Variants in BANK1 observed in about 807,000 individuals in gnomAD.
BANK1 encodes the protein B-cell scaffold protein with ankyrin repeats.
BANK1 carries 95 observed loss-of-function variants against 94.5 expected under a neutral mutation model. That is an observed-to-expected ratio of 1.00 (90% CI 0.85 to 1.19). The LOEUF is 1.19. Ranked by LOEUF, BANK1 falls within the 50% of genes most tolerant of loss-of-function variation. BANK1 has a pLI of 0.00. For synonymous variants in BANK1, 334 were observed against 308.4 expected, an observed-to-expected ratio of 1.08 and a Z score of -0.87; for missense variants, 987 against 932.2, an observed-to-expected ratio of 1.06 and a Z score of -0.77.
At chr4:102,049,813 G>A (rs76743730) in intron 11 of BANK1, among the ~76,000 whole-genome samples, 9 of 152,168 alleles carry the variant, frequency 5.9e-5, no homozygotes, top group African/African-American at 1.9e-4. Flanking sequence ...GCAAGTGGGC[G>A]CAAGCATGTG....
intron 2 of BANK1, among the ~76,000 whole-genome samples, chr4:101,830,490 C>T (rs1726575231): frequency 6.6e-6 from 1 of 152,008 alleles, no homozygotes; most frequent in Non-Finnish European, 1.5e-5. Flanking sequence ...GTATGGTATG[C>T]TCAAGTCATA....
At chr4:102,063,649 C>T (rs565529989) in intron 13 of BANK1, among the ~76,000 whole-genome samples, 1 of 151,540 alleles carries the variant, frequency 6.6e-6, no homozygotes, top group Non-Finnish European at 1.5e-5. Context: ...TGGTGAAACC[C>T]CATCTCTACT....
chr4:102,029,613 T>C (rs560021145), intron 9 of BANK1, among the ~76,000 whole-genome samples: 66 of 148,398 alleles, frequency 4.4e-4, no homozygotes, highest in African/African-American at 1.5e-3. Context: ...ATAAAAATAA[T>C]ATATATATAT....
intron 14 of BANK1, 51 bp from the exon 15 acceptor site, chr4:102,072,294 C>A: frequency 7.4e-7 from 1 of 1,360,194 alleles, no homozygotes; most frequent in Non-Finnish European, 1.0e-6. Context: ...ATAAATAAAT[C>A]ATCAAATTTG....
At chr4:101,862,733 A>G (rs1560606619) in intron 4 of BANK1, 69 bp downstream of exon 4, 2 of 1,408,354 alleles carry the variant, frequency 1.4e-6, no homozygotes, top group Non-Finnish European at 9.4e-7. Context: ...TTTATAATAA[A>G]TGGTTTCACT....
intron 5 of BANK1, 38 bp downstream of exon 5, chr4:101,870,682 G>C: frequency 6.3e-7 from 1 of 1,586,380 alleles, no homozygotes; most frequent in Non-Finnish European, 8.6e-7. Context: ...CATAATGTAA[G>C]CTGAAGAGCT....
chr4:101,884,043 G>T (rs1463812244), intron 5 of BANK1, among the ~76,000 whole-genome samples: 1 of 152,060 alleles, frequency 6.6e-6, no homozygotes, highest in Admixed American at 6.5e-5. Context: ...TATGTAATTT[G>T]GAAACTCTAA....
At chr4:102,030,388 A>C (rs1727256438) in intron 10 of BANK1, 123 bp downstream of exon 10, 4 of 976,804 alleles carry the variant, frequency 4.1e-6, no homozygotes, top group Non-Finnish European at 5.9e-6. Flanking sequence ...ATTTTTTTTC[A>C]AGTCACAGCT....
intron 7 of BANK1, among the ~76,000 whole-genome samples, chr4:101,986,711 A>T (rs981376819): frequency 1.5e-4 from 22 of 150,184 alleles, no homozygotes; most frequent in East Asian, 5.8e-4. Flanking sequence ...TTTCATGTCA[A>T]ACTTATTTCT....
intron 7 of BANK1, among the ~76,000 whole-genome samples, chr4:101,930,287 G>A (rs898953250): frequency 1.3e-5 from 2 of 150,710 alleles, no homozygotes. Flanking sequence ...GTGTATATAT[G>A]AATATATATA....
rs1294225382 is a variant in BANK1, at chr4:101,875,258, C to T, written c.903+4614C>T. ...GAGGGAGAGCACAGCAATTATGAGG[C>T]ATTGAACCCTGAGCTGCCCTATTAT... is the stretch of plus-strand genomic sequence containing the variant. On this transcript the variant is annotated intron_variant, in intron 5 of 16. Coordinates refer to ENST00000322953, the MANE Select transcript of BANK1 (RefSeq NM_017935.5). Among the ~76,000 whole-genome samples the T allele has an allele frequency of 3.9e-5, 6 of 152,092 alleles. No individual in the cohort carries two copies. In the East Asian group the frequency reaches 1.2e-3, roughly 29 times the overall value.
intron 7 of BANK1, among the ~76,000 whole-genome samples, chr4:102,019,597 T>G (rs1417025453): frequency 6.6e-6 from 1 of 152,210 alleles, no homozygotes; most frequent in Non-Finnish European, 1.5e-5. Context: ...AAAGTCTATG[T>G]TCTGTCTACT....
chr4:102,044,770 C>A (rs1212974399), intron 11 of BANK1, among the ~76,000 whole-genome samples: 2 of 85,524 alleles, frequency 2.3e-5, no homozygotes, highest in Admixed American at 1.5e-4. Context: ...ATTTGCATTT[C>A]TCTGATGGCC....
chr4:101,962,813 C>T (rs2148919626), intron 7 of BANK1, among the ~76,000 whole-genome samples: 1 of 152,098 alleles, frequency 6.6e-6, no homozygotes, highest in East Asian at 1.9e-4. Context: ...ATGGCACTTC[C>T]TTTAATCTCT....
chr4:102,040,932 T>C (rs1384435917), intron 10 of BANK1, among the ~76,000 whole-genome samples: 1 of 152,104 alleles, frequency 6.6e-6, no homozygotes, highest in Non-Finnish European at 1.5e-5. Context: ...TTTTTCCATG[T>C]CACTCATGTG....
chr4:102,043,142 G>C (rs1025398286), intron 10 of BANK1, among the ~76,000 whole-genome samples: 2 of 152,002 alleles, frequency 1.3e-5, no homozygotes. Flanking sequence ...GTTGTAAAGA[G>C]TCTGGACTTT....
intron 10 of BANK1, among the ~76,000 whole-genome samples, chr4:102,038,912 A>C (rs1727610594): frequency 6.6e-6 from 1 of 152,184 alleles, no homozygotes; most frequent in Non-Finnish European, 1.5e-5. Context: ...ACTTGAAAGG[A>C]AAATTAATGT....
chr4:101,986,271 C>A (rs553976221), intron 7 of BANK1, among the ~76,000 whole-genome samples: 20 of 152,068 alleles, frequency 1.3e-4, no homozygotes, highest in Non-Finnish European at 2.4e-4. Flanking sequence ...TATTAGACAA[C>A]AGAAACATAC....
rs1560696723 is a variant in BANK1 at position 102,030,033 on chromosome 4, TG to T, written c.1669del (p.Glu557AsnfsTer34). On this transcript the variant is annotated frameshift_variant, in exon 10 of 17. Transcript: ENST00000322953. LOFTEE classifies it high-confidence loss of function. ...CTGGTGTTAGACAAGAAACAGGAGA[TG>T]AACCCAAAGGAGAAAAAGAGAAGAA... ...HPGVRQETGD[E>X]PKGEKEKKEE... The T allele has an allele frequency of 6.2e-7, 1 of 1,613,384 alleles. No homozygotes were observed. The highest frequency in any genetic ancestry group is 2.2e-5 in the East Asian group (1 of 44,854).
Sources: gnomAD v4.1 joint callset for allele counts (sites outside exome capture counted in the v4.1 genomes callset) on GRCh38, gnomAD v4.1.1 for gene constraint, MANE v1.5 for transcripts, NCBI Gene and HGNC (gene_info 2026-07-23, HGNC 2026-07-21) for gene names.